Variants in SORCS2 observed in about 807,000 individuals in gnomAD.
SORCS2 encodes the protein VPS10 domain-containing receptor SorCS2.
Under a neutral mutation model 141.6 loss-of-function variants are expected in SORCS2, and 100 were observed. The observed-to-expected ratio is 0.71, with a 90% CI of 0.60 to 0.83. The LOEUF (loss-of-function observed/expected upper bound fraction) is 0.83. SORCS2 is among the 40% of genes least tolerant of loss of function. SORCS2 has a pLI of 0.00. For missense variants in SORCS2, 1,646 were observed against 1,560.2 expected (o/e 1.05, Z -0.93); for synonymous variants, 789 against 676.9 (o/e 1.17, Z -2.57).
chr4:7,724,133 G>GTGGTGGTGGTGGTGGTGA (rs1560112906), intron 19 of SORCS2, among the ~76,000 whole-genome samples: 1 of 142,082 alleles, frequency 7.0e-6, no homozygotes, highest in African/African-American at 2.8e-5. Context: ...GGTGGTGGTG[G>GTGGTGGTGGTGGTGGTGA]TGGTGGTGAT....
At chr4:7,453,529 GC>G in intron 2 of SORCS2, among the ~76,000 whole-genome samples, 1 of 145,066 alleles carries the variant, frequency 6.9e-6, no homozygotes, top group Non-Finnish European at 1.5e-5. Flanking sequence ...TTAGGGTCAG[GC>G]ACTGTGTTGG....
At chr4:7,657,194 C>T (rs1185118687) in intron 5 of SORCS2, among the ~76,000 whole-genome samples, 1 of 152,200 alleles carries the variant, frequency 6.6e-6, no homozygotes, top group Non-Finnish European at 1.5e-5. Flanking sequence ...GTGGGAAGTG[C>T]TCAGAGCAAG....
intron 3 of SORCS2, among the ~76,000 whole-genome samples, chr4:7,542,608 C>A (rs1449938584): frequency 6.6e-6 from 1 of 152,144 alleles, no homozygotes; most frequent in Non-Finnish European, 1.5e-5. Flanking sequence ...ATTGTTGACA[C>A]CTTCATTTTG....
chr4:7,210,403 T>A (rs1481875453), intron 1 of SORCS2, among the ~76,000 whole-genome samples: 1 of 152,258 alleles, frequency 6.6e-6, no homozygotes. Context: ...TGCCTCGGCC[T>A]TCCGAGTAAC....
At chr4:7,509,877 A>G (rs1168797367) in intron 2 of SORCS2, among the ~76,000 whole-genome samples, 1 of 152,212 alleles carries the variant, frequency 6.6e-6, no homozygotes, top group Non-Finnish European at 1.5e-5. Flanking sequence ...CCTTTGCCCC[A>G]GCTGTCCAAA....
intron 13 of SORCS2, among the ~76,000 whole-genome samples, 159 bp from the exon 14 acceptor site, chr4:7,704,018 G>T (rs886412838): frequency 1.3e-5 from 2 of 152,114 alleles, no homozygotes; most frequent in Non-Finnish European, 2.9e-5. Context: ...AAGCAGATGT[G>T]ATATGAGCAG....
chr4:7,226,477 C>G (rs1355121663), intron 1 of SORCS2, among the ~76,000 whole-genome samples: 1 of 152,106 alleles, frequency 6.6e-6, no homozygotes, highest in African/African-American at 2.4e-5. Context: ...GTCCAGACGT[C>G]TGTGACGGCC....
chr4:7,435,442 G>A (rs1727236607), intron 2 of SORCS2, among the ~76,000 whole-genome samples: 1 of 152,244 alleles, frequency 6.6e-6, no homozygotes, highest in South Asian at 2.1e-4. Flanking sequence ...GCCCAGCTGG[G>A]GTTCTGCCCC....
At chr4:7,255,992 A>G (rs1344528981) in intron 1 of SORCS2, among the ~76,000 whole-genome samples, 21 of 149,078 alleles carry the variant, frequency 1.4e-4, no homozygotes, top group Non-Finnish European at 2.5e-4. Flanking sequence ...GGATTGGTGC[A>G]TGGGGACCCT....
At chr4:7,319,511 T>A (rs1718765055) in intron 1 of SORCS2, among the ~76,000 whole-genome samples, 1 of 151,804 alleles carries the variant, frequency 6.6e-6, no homozygotes, top group African/African-American at 2.4e-5. Context: ...TTGAGACCAG[T>A]CTGGACAACA....
chr4:7,466,785 G>A (rs971264922), intron 2 of SORCS2, among the ~76,000 whole-genome samples: 4 of 152,178 alleles, frequency 2.6e-5, no homozygotes, highest in African/African-American at 9.7e-5. Flanking sequence ...TTCCCTAAGT[G>A]GTTCCAGAAT....
intron 2 of SORCS2, among the ~76,000 whole-genome samples, chr4:7,446,336 C>A (rs79128148): frequency 6.6e-6 from 1 of 152,208 alleles, no homozygotes; most frequent in Non-Finnish European, 1.5e-5. Flanking sequence ...ACCGCCCCTG[C>A]CATGGCACCT....
rs73796665 is a variant in SORCS2, at chr4:7,381,264, C to G, written c.481-15024C>G. Among the ~76,000 whole-genome samples, 519 of 152,280 alleles carry G rather than the reference C, an allele frequency of 3.4e-3. 2 individuals are homozygous for G. Among genetic ancestry groups the G allele is most frequent in the African/African-American group, 0.012 (491 of 41,546 alleles). On this transcript the variant is annotated intron_variant, in intron 1 of 26. Coordinates refer to ENST00000507866, the MANE Select transcript of SORCS2 (RefSeq NM_020777.3). Reference sequence around the variant, plus strand: ...TGGCTCTCTTTGGAGGGGATGGCCGCTTTGACTCGCAGGTCCAGCTGAGAG... The same window carrying G: ...TGGCTCTCTTTGGAGGGGATGGCCGGTTTGACTCGCAGGTCCAGCTGAGAG...
chr4:7,439,548 C>T (rs1727523577), intron 2 of SORCS2, among the ~76,000 whole-genome samples: 1 of 152,232 alleles, frequency 6.6e-6, no homozygotes, highest in African/African-American at 2.4e-5. Context: ...CAGAATGGTC[C>T]TGAGTGCTCC....
intron 2 of SORCS2, among the ~76,000 whole-genome samples, chr4:7,443,015 C>T (rs547908780): frequency 1.3e-5 from 2 of 152,202 alleles, no homozygotes; most frequent in African/African-American, 4.8e-5. Context: ...TAGCCTCTGC[C>T]TCTGTTGTGG....
rs919623088 is a variant in SORCS2 at position 7,523,213 on chromosome 4, T to G, written c.549-8317T>G. On this transcript the variant is annotated intron_variant, in intron 2 of 26. Transcript: ENST00000507866. ...AGAATTCCTCCCCAGAAGGGCAGGC[T>G]CAGGAGCCACTAGGACCGCTAAGGA... 2.0e-5 allele frequency among the ~76,000 whole-genome samples: 3 copies of G among 151,990 alleles called. No individual in the cohort carries two copies. The South Asian group carries it at 6.2e-4, about 32-fold the overall frequency.
At chr4:7,603,004 C>G (rs932372286) in intron 3 of SORCS2, among the ~76,000 whole-genome samples, 3 of 152,342 alleles carry the variant, frequency 2.0e-5, no homozygotes, top group South Asian at 2.1e-4. Context: ...CAAAAAAATA[C>G]AAAAACCAGT....
At chr4:7,420,178 C>A (rs1232944507) in intron 2 of SORCS2, among the ~76,000 whole-genome samples, 4 of 152,304 alleles carry the variant, frequency 2.6e-5, no homozygotes, top group African/African-American at 9.6e-5. Flanking sequence ...GCCTGGGGGG[C>A]AAGGATTTGG....
chr4:7,387,865 CAG>C (rs1240442361), intron 1 of SORCS2, among the ~76,000 whole-genome samples: 2 of 99,902 alleles, frequency 2.0e-5, no homozygotes, highest in South Asian at 3.4e-4. Context: ...TACAGGTACA[CAG>C]AGATACACAC....
Sources: gnomAD v4.1 joint callset for allele counts (sites outside exome capture counted in the v4.1 genomes callset) on GRCh38, gnomAD v4.1.1 for gene constraint, MANE v1.5 for transcripts, NCBI Gene and HGNC (gene_info 2026-07-23, HGNC 2026-07-21) for gene names.